MLXIP: variants seen among roughly 807,000 people sequenced by gnomAD.
MLXIP encodes MLX-interacting protein.
MLXIP carries 30 observed loss-of-function variants against 87.2 expected under a neutral mutation model. That is an observed-to-expected ratio of 0.34 (90% CI 0.26 to 0.47). The LOEUF is 0.47. MLXIP is among the 20% of genes least tolerant of loss of function. MLXIP has a pLI of 1.00. For missense variants in MLXIP, 1,002 were observed against 1,240.1 expected (o/e 0.81, Z 2.88); for synonymous variants, 530 against 514.0 (o/e 1.03, Z -0.42).
chr12:122,139,009 G>A, intron 15 of MLXIP, 71 bp downstream of exon 15: 1 of 1,586,132 alleles, frequency 6.3e-7, no homozygotes, highest in African/African-American at 1.4e-5. Flanking sequence ...CCGTGGCACT[G>A]TAGTTACTTT....
chr12:122,114,734 C>G (rs941138659), intron 1 of MLXIP, among the ~76,000 whole-genome samples: 1 of 122,612 alleles, frequency 8.2e-6, no homozygotes, highest in African/African-American at 3.0e-5. Context: ...GGGAAGGTGA[C>G]TTCTTTTTTT....
chr12:122,140,812 C>T (rs2135995571), intron 15 of MLXIP, 142 bp from the exon 16 acceptor site: 1 of 1,294,226 alleles, frequency 7.7e-7, no homozygotes. Flanking sequence ...AGAGATCTCT[C>T]CCTCTTTTCC....
rs769959326 is a variant in MLXIP, at chr12:122,141,820, G to A, written c.*8G>A. 4.3e-6 allele frequency: 7 copies of A among 1,613,136 alleles called. No individual in the cohort carries two copies. The highest frequency in any genetic ancestry group is 1.1e-5 in the South Asian group (1 of 91,046). On this transcript the variant is annotated 3_prime_UTR_variant, in exon 17 of 17. Coordinates refer to ENST00000319080, the MANE Select transcript of MLXIP (RefSeq NM_014938.6). Reference sequence around the variant, plus strand: ...AGATTGGGAGAGTCCTAGCTGCTTAGCTGGCATGTGGCCGCATGAGATGCC... The same window carrying A: ...AGATTGGGAGAGTCCTAGCTGCTTAACTGGCATGTGGCCGCATGAGATGCC...
In MLXIP at chr12:122,079,032, C is replaced by A; in HGVS notation, c.179C>A (p.Pro60Gln). 1 of 1,373,754 alleles carries A rather than the reference C, an allele frequency of 7.3e-7. No individual in the cohort carries two copies. The highest frequency in any genetic ancestry group is 1.5e-5 in the South Asian group (1 of 66,630). 85.1% of individuals were successfully genotyped at this position (1,373,754 alleles called of 1,614,324 possible). Residue 60 changes from proline to glutamine, a missense_variant, in exon 1 of 17, where the codon CCG becomes CAG. Coordinates refer to ENST00000319080, the MANE Select transcript of MLXIP (RefSeq NM_014938.6). ...GCCCACGCGAGCGCCGCGCCACCGC[C>A]GCCTCGGGCCGGGCCGGGCCGCGAG... ...ARAHASAAPP[P>Q]PRAGPGREEP...
chr12:122,079,350 A>G lies in MLXIP; in HGVS notation c.413+84A>G, dbSNP rs950043003. On this transcript the variant is annotated intron_variant, in intron 1 of 16. Coordinates refer to ENST00000319080, the MANE Select transcript of MLXIP (RefSeq NM_014938.6). ...GCGTGGAGGGAAGGGCCGCCTGGCAACCCCGTGGCTTCATGCATTCCCTTT... is the reference window on the plus strand; with the variant it reads ...GCGTGGAGGGAAGGGCCGCCTGGCAGCCCCGTGGCTTCATGCATTCCCTTT... 4.1e-6 allele frequency: 5 copies of G among 1,230,000 alleles called. No individual in the cohort carries two copies. The African/African-American group carries it at 6.1e-5, about 15-fold the overall frequency. 76.2% of individuals were successfully genotyped at this position (1,230,000 alleles called of 1,614,324 possible).
intron 1 of MLXIP, among the ~76,000 whole-genome samples, chr12:122,093,671 TGGTGTATGTGTGC>T (rs1242266693): frequency 1.6e-5 from 2 of 121,846 alleles, no homozygotes; most frequent in African/African-American, 6.4e-5. Context: ...TATGTGTGTG[TGGTGTATGTGTGC>T]GGTGTTGGTG....
chr12:122,106,850 C>T (rs1952528778), intron 1 of MLXIP, among the ~76,000 whole-genome samples: 1 of 152,106 alleles, frequency 6.6e-6, no homozygotes, highest in Non-Finnish European at 1.5e-5. Flanking sequence ...GATACACCCA[C>T]CTTGGCCTCC....
rs1308000977 is a variant in MLXIP at position 122,129,160 on chromosome 12, C to T, written c.630C>T (p.Tyr210=). The T allele has an allele frequency of 6.2e-7, 1 of 1,611,050 alleles. No homozygotes were observed. The highest frequency in any genetic ancestry group is 2.2e-5 in the East Asian group (1 of 44,800). Residue 210 remains tyrosine (Y), a synonymous_variant, in exon 4 of 17, where the codon TAC becomes TAT. Coordinates refer to ENST00000319080, the MANE Select transcript of MLXIP (RefSeq NM_014938.6). ...RPEAITTEGK[Y]WKSRIEIVIR... The stretch of plus-strand genomic sequence containing the variant: ...AGGCCATCACCACGGAAGGGAAGTA[C>T]TGGAAGAGCCGCATCGAGATTGTGA...
chr12:122,124,439 G>A lies in MLXIP; in HGVS notation c.414-2817G>A, dbSNP rs1362962845. Among the ~76,000 whole-genome samples, 8 of 102,178 alleles carry A rather than the reference G, an allele frequency of 7.8e-5. 2 individuals carry two copies. The highest frequency in any genetic ancestry group is 1.2e-4 in the African/African-American group (3 of 25,812). 67.0% of individuals were successfully genotyped at this position (102,178 alleles called of 152,430 possible). On this transcript the variant is annotated intron_variant, in intron 1 of 16. Transcript: ENST00000319080. The stretch of plus-strand genomic sequence containing the variant: ...ACCTCAGCCGTCCCCCTCCTCAGCC[G>A]TCCCCCGCCCTCAGTCCTCGGCTCT...
intron 1 of MLXIP, among the ~76,000 whole-genome samples, chr12:122,085,563 C>A (rs908805634): frequency 6.6e-6 from 1 of 151,986 alleles, no homozygotes; most frequent in East Asian, 1.9e-4. Context: ...GCCACCATGC[C>A]CGGCTAATTT....
chr12:122,118,592 A>G (rs1952728734), intron 1 of MLXIP, among the ~76,000 whole-genome samples: 1 of 152,208 alleles, frequency 6.6e-6, no homozygotes, highest in Non-Finnish European at 1.5e-5. Flanking sequence ...TCACGCCTAT[A>G]ATCCCAGCAC....
intron 1 of MLXIP, among the ~76,000 whole-genome samples, chr12:122,113,681 C>CTTTTT (rs1173711241): frequency 0.026 from 2,600 of 100,586 alleles, 418 homozygotes; most frequent in African/African-American, 0.088. Flanking sequence ...GCCTTCATTT[C>CTTTTT]TTTTTTTTTT....
chr12:122,094,382 CTGTG>C (rs1286321840), intron 1 of MLXIP, among the ~76,000 whole-genome samples: 1 of 98,612 alleles, frequency 1.0e-5, no homozygotes, highest in Non-Finnish European at 2.0e-5. Flanking sequence ...TTTGCAGTGT[CTGTG>C]TGGTGTTGGT....
intron 1 of MLXIP, among the ~76,000 whole-genome samples, chr12:122,080,835 G>C (rs1316369600): frequency 6.6e-6 from 1 of 152,204 alleles, no homozygotes; most frequent in South Asian, 2.1e-4. Flanking sequence ...CCTCGAGAGA[G>C]CCTTTTCAAA....
chr12:122,129,774 C>G, intron 5 of MLXIP, 145 bp downstream of exon 5: 1 of 1,312,926 alleles, frequency 7.6e-7, no homozygotes, highest in East Asian at 2.5e-5. Context: ...CAGTCCAGCT[C>G]TCTCTCCTGG....
intron 1 of MLXIP, among the ~76,000 whole-genome samples, chr12:122,082,818 C>T (rs1045498593): frequency 1.3e-5 from 2 of 152,162 alleles, no homozygotes; most frequent in Non-Finnish European, 2.9e-5. Flanking sequence ...GTATATCCTT[C>T]ACACAGAATT....
At chr12:122,116,511 C>T (rs532004686) in intron 1 of MLXIP, among the ~76,000 whole-genome samples, 99 of 152,162 alleles carry the variant, frequency 6.5e-4, no homozygotes, top group Non-Finnish European at 1.2e-3. Context: ...TTGCCTCTTG[C>T]AAATCTGGTT....
Position 122,129,927 on chromosome 12 carries a change from T to C in MLXIP, c.739-14T>C. 6.2e-7 allele frequency: 1 copy of C among 1,602,824 alleles called. No individual in the cohort carries two copies. The highest frequency in any genetic ancestry group is 2.2e-5 in the East Asian group (1 of 44,636). On this transcript the variant is annotated splice_polypyrimidine_tract_variant and intron_variant, in intron 5 of 16. Coordinates refer to ENST00000319080, the MANE Select transcript of MLXIP (RefSeq NM_014938.6). ...CTCTTTGATGCTTCCTCCCCTGTGT[T>C]GGTGTTGTGTTAGGACGATGACATG...
intron 1 of MLXIP, among the ~76,000 whole-genome samples, chr12:122,122,049 A>G (rs114855183): frequency 0.5 from 76,393 of 151,600 alleles, 19,700 homozygotes; most frequent in Middle Eastern, 0.64. Flanking sequence ...AGTGCAGTTG[A>G]CCTCTGTTCT....
Sources: allele counts gnomAD v4.1 joint callset (sites outside exome capture counted in the v4.1 genomes callset), GRCh38; gene constraint gnomAD v4.1.1; transcripts MANE v1.5; gene names NCBI Gene and HGNC (gene_info 2026-07-23, HGNC 2026-07-21).